Variants in PCDHA1 observed in about 807,000 individuals in gnomAD.
PCDHA1 encodes the protein protocadherin alpha-1.
PCDHA1 carries 42 observed loss-of-function variants against 61.3 expected under a neutral mutation model. The ratio of observed to expected loss-of-function variants is 0.69; its 90% confidence interval spans 0.54 to 0.89. The LOEUF is 0.89. PCDHA1 is among the 40% of genes least tolerant of loss of function. The pLI is 0.00. For missense variants in PCDHA1, 1,256 were observed against 1,235.3 expected (o/e 1.02, Z -0.25); for synonymous variants, 610 against 553.8 (o/e 1.10, Z -1.43).
At chr5:140,901,284 G>T (rs868936344) in intron 1 of PCDHA1, among the ~76,000 whole-genome samples, 1 of 152,046 alleles carries the variant, frequency 6.6e-6, no homozygotes, top group Admixed American at 6.6e-5. Flanking sequence ...AGAAATTTTT[G>T]CCCAGACTGA....
At chr5:140,964,173 C>A (rs1052958313) in intron 1 of PCDHA1, among the ~76,000 whole-genome samples, 5 of 152,174 alleles carry the variant, frequency 3.3e-5, no homozygotes, top group Non-Finnish European at 7.4e-5. Context: ...GGAACGAAAT[C>A]ATTATAGTGC....
intron 1 of PCDHA1, chr5:140,802,667 G>A: frequency 1.2e-6 from 2 of 1,613,508 alleles, no homozygotes; most frequent in East Asian, 2.2e-5. Flanking sequence ...ACGCCCTGGT[G>A]TCCTACTCGC....
chr5:140,849,568 C>T (rs2040965455), intron 1 of PCDHA1: 1 of 1,598,504 alleles, frequency 6.3e-7, no homozygotes, highest in Non-Finnish European at 8.6e-7. Context: ...CTCTCGGTTC[C>T]TGTAAAAGAG....
chr5:140,967,146 A>C, intron 1 of PCDHA1: 1 of 1,610,972 alleles, frequency 6.2e-7, no homozygotes, highest in Non-Finnish European at 8.5e-7. Flanking sequence ...CTGGCGCACA[A>C]CCCCGTGGCG....
At chr5:140,831,520 CTTTT>C (rs2150195630) in intron 1 of PCDHA1, among the ~76,000 whole-genome samples, 54,210 of 121,934 alleles carry the variant, frequency 0.44, 12,278 homozygotes, top group Middle Eastern at 0.51. Flanking sequence ...TGCCCCCCAC[CTTTT>C]TTTTTTTTTT....
chr5:140,786,911 A>G lies in PCDHA1; in HGVS notation c.621A>G (p.Glu207=), dbSNP rs1554117597. ...RKYLDREETP[E]LHLLLTATDG... is the part of the protein sequence containing the mutation. ...ATTTGGATAGAGAAGAAACACCAGAACTTCACTTATTACTGACTGCCACTG... is the reference window on the plus strand; with the variant it reads ...ATTTGGATAGAGAAGAAACACCAGAGCTTCACTTATTACTGACTGCCACTG... Residue 207 remains glutamate, a synonymous_variant, in exon 1 of 4, where the codon GAA becomes GAG. Coordinates refer to ENST00000504120, the MANE Select transcript of PCDHA1 (RefSeq NM_018900.4). The G allele has an allele frequency of 6.2e-7, 1 of 1,614,044 alleles. No homozygotes were observed. The highest frequency in any genetic ancestry group is 8.5e-7 in the Non-Finnish European group (1 of 1,180,032).
chr5:140,891,820 G>T (rs1341896388), intron 1 of PCDHA1, among the ~76,000 whole-genome samples: 3 of 152,102 alleles, frequency 2.0e-5, no homozygotes, highest in African/African-American at 7.2e-5. Context: ...TAAATTAACG[G>T]CACTGTAAAA....
At chr5:140,963,722 T>G (rs948660694) in intron 1 of PCDHA1, among the ~76,000 whole-genome samples, 2 of 152,242 alleles carry the variant, frequency 1.3e-5, no homozygotes, top group Non-Finnish European at 2.9e-5. Flanking sequence ...ACATATAGAC[T>G]GCCAACTAAG....
At chr5:140,976,286 C>G (rs1554237455) in intron 1 of PCDHA1, among the ~76,000 whole-genome samples, 2 of 152,098 alleles carry the variant, frequency 1.3e-5, no homozygotes, top group African/African-American at 2.4e-5. Flanking sequence ...CACAGTGGCT[C>G]AAGCCTGTAA....
chr5:140,865,649 T>C (rs781986812), intron 1 of PCDHA1: 5 of 152,204 alleles, frequency 3.3e-5, no homozygotes, highest in Non-Finnish European at 5.9e-5. Flanking sequence ...AATACATTAT[T>C]TCATTTAATA....
intron 1 of PCDHA1, chr5:140,848,229 G>T: frequency 2.5e-6 from 1 of 402,640 alleles, no homozygotes; most frequent in South Asian, 5.0e-5. Flanking sequence ...TTAAGAAAAT[G>T]AAATAAGTTT....
intron 1 of PCDHA1, chr5:140,849,976 T>A: frequency 1.3e-6 from 2 of 1,597,616 alleles, no homozygotes; most frequent in Non-Finnish European, 1.7e-6. Context: ...TCCTACTCGC[T>A]GGTGGAGCGG....
At chr5:140,809,475 GC>G (rs781959582) in intron 1 of PCDHA1, 1 of 1,614,216 alleles carries the variant, frequency 6.2e-7, no homozygotes, top group Non-Finnish European at 8.5e-7. Context: ...TCTGGTGAGG[GC>G]CCACCCAAGA....
chr5:140,898,881 A>G (rs1472274164), intron 1 of PCDHA1, among the ~76,000 whole-genome samples: 1 of 152,102 alleles, frequency 6.6e-6, no homozygotes, highest in Non-Finnish European at 1.5e-5. Context: ...AGTGGTTTGT[A>G]GTTCTCCTTG....
At chr5:140,819,364 T>C (rs1766546050) in intron 1 of PCDHA1, among the ~76,000 whole-genome samples, 1 of 152,186 alleles carries the variant, frequency 6.6e-6, no homozygotes, top group African/African-American at 2.4e-5. Flanking sequence ...TAAATTTTCT[T>C]GTGTTAGTAT....
intron 1 of PCDHA1, chr5:140,852,742 T>G (rs1190690172): frequency 1.0e-6 from 1 of 984,108 alleles, no homozygotes; most frequent in African/African-American, 1.8e-5. Context: ...ATGTGCCATT[T>G]AAACTTGGAC....
intron 1 of PCDHA1, chr5:140,803,395 G>T: frequency 6.2e-7 from 1 of 1,614,234 alleles, no homozygotes; most frequent in South Asian, 1.1e-5. Flanking sequence ...GGCGACTGTG[G>T]GCCGGGCAAG....
Position 140,796,394 on chromosome 5 carries a change from T to A in PCDHA1, c.2394+7710T>A, listed in dbSNP as rs1176150455. On this transcript the variant is annotated intron_variant, in intron 1 of 3. Transcript: ENST00000504120. ...CCGCCGGGCTGCCACATCTTCACGG[T>A]GTCAGCGTGGGATGCGGACGCGCAG... The A allele has an allele frequency of 2.5e-6, 4 of 1,613,400 alleles. No individual in the cohort carries two copies. The Admixed American group carries it at 6.7e-5, about 27-fold the overall frequency.
chr5:140,918,503 C>G (rs2078725431), intron 1 of PCDHA1, among the ~76,000 whole-genome samples: 1 of 152,056 alleles, frequency 6.6e-6, no homozygotes, highest in Non-Finnish European at 1.5e-5. Flanking sequence ...GGTACCAATC[C>G]TTTTAAACTT....
Sources: gnomAD v4.1 joint callset for allele counts (sites outside exome capture counted in the v4.1 genomes callset) on GRCh38, gnomAD v4.1.1 for gene constraint, MANE v1.5 for transcripts, NCBI Gene and HGNC (gene_info 2026-07-23, HGNC 2026-07-21) for gene names.